Variants in GRIK1 observed in about 807,000 individuals in gnomAD.
GRIK1 encodes glutamate receptor ionotropic, kainate 1.
In GRIK1, 69 loss-of-function variants were observed where a neutral mutation model predicts 105.7. The observed-to-expected ratio is 0.65, with a 90% CI of 0.54 to 0.80. The LOEUF is 0.80. Ranked by LOEUF, GRIK1 falls within the 30% of genes least tolerant of loss-of-function variation. GRIK1 has a pLI of 0.00. For missense variants in GRIK1, 1,109 were observed against 1,167.3 expected (o/e 0.95, Z 0.73); for synonymous variants, 438 against 431.3 (o/e 1.02, Z -0.19).
At chr21:29,898,855 A>G (rs1240810466) in intron 1 of GRIK1, among the ~76,000 whole-genome samples, 2 of 152,200 alleles carry the variant, frequency 1.3e-5, no homozygotes, top group East Asian at 3.9e-4. Context: ...AATAGTTGGC[A>G]ATGAGATTCG....
intron 7 of GRIK1, among the ~76,000 whole-genome samples, chr21:29,637,744 C>T (rs1344024864): frequency 1.3e-5 from 2 of 152,186 alleles, no homozygotes; most frequent in Non-Finnish European, 1.5e-5. Context: ...TGTTATTTGA[C>T]ACCTGGTTTA....
chr21:29,583,657 G>C (rs527795712), intron 12 of GRIK1, among the ~76,000 whole-genome samples: 1 of 152,190 alleles, frequency 6.6e-6, no homozygotes. Flanking sequence ...TGTCTAAACA[G>C]CAATGTGATT....
chr21:29,727,962 C>T (rs1291417658), intron 1 of GRIK1, among the ~76,000 whole-genome samples: 1 of 152,158 alleles, frequency 6.6e-6, no homozygotes, highest in Admixed American at 6.5e-5. Flanking sequence ...TGTCTCAACT[C>T]AAGCAGACAG....
At chr21:29,820,497 G>A (rs1033034252) in intron 1 of GRIK1, among the ~76,000 whole-genome samples, 1 of 152,034 alleles carries the variant, frequency 6.6e-6, no homozygotes, top group Non-Finnish European at 1.5e-5. Flanking sequence ...GCAAAAATAG[G>A]TAGCAGAATG....
chr21:29,815,382 C>T (rs1024724793), intron 1 of GRIK1, among the ~76,000 whole-genome samples: 1 of 152,134 alleles, frequency 6.6e-6, no homozygotes, highest in Non-Finnish European at 1.5e-5. Context: ...AAGGGGTAAG[C>T]CCCCTGTAAA....
intron 1 of GRIK1, among the ~76,000 whole-genome samples, chr21:29,923,072 G>A (rs1251211071): frequency 6.6e-6 from 1 of 152,140 alleles, no homozygotes; most frequent in Non-Finnish European, 1.5e-5. Flanking sequence ...ATGCAAAAAT[G>A]AGTCTTTCCA....
intron 1 of GRIK1, among the ~76,000 whole-genome samples, chr21:29,911,471 GT>G (rs1352716543): frequency 6.6e-6 from 1 of 152,038 alleles, no homozygotes; most frequent in Non-Finnish European, 1.5e-5. Context: ...TATAAACTAT[GT>G]TATTGAGATA....
intron 1 of GRIK1, among the ~76,000 whole-genome samples, chr21:29,707,262 G>C (rs1233801724): frequency 9.9e-5 from 15 of 151,994 alleles, no homozygotes; most frequent in African/African-American, 3.6e-4. Flanking sequence ...ACTATAAATT[G>C]GGTAATACAT....
At chr21:29,711,737 GGGTAT>G (rs1249312882) in intron 1 of GRIK1, among the ~76,000 whole-genome samples, 1 of 151,800 alleles carries the variant, frequency 6.6e-6, no homozygotes, top group African/African-American at 2.4e-5. Flanking sequence ...ATTTTATTGT[GGGTAT>G]TTACATTTTT....
At chr21:29,573,684 T>C (rs111434081) in intron 14 of GRIK1, among the ~76,000 whole-genome samples, 2 of 152,046 alleles carry the variant, frequency 1.3e-5, no homozygotes, top group Admixed American at 6.6e-5. Flanking sequence ...ACCCCAACTC[T>C]ATTAAAATAA....
intron 1 of GRIK1, among the ~76,000 whole-genome samples, chr21:29,734,202 C>T (rs1184863629): frequency 1.3e-5 from 2 of 152,066 alleles, no homozygotes; most frequent in African/African-American, 2.4e-5. Flanking sequence ...CCATCACTAC[C>T]ACTCCATCCA....
At chr21:29,914,631 TCCC>T (rs1202375373) in intron 1 of GRIK1, among the ~76,000 whole-genome samples, 6 of 152,216 alleles carry the variant, frequency 3.9e-5, no homozygotes, top group South Asian at 4.1e-4. Context: ...GCATTTCTCT[TCCC>T]CCATCTCCCT....
At chr21:29,555,470 C>A (rs575946554) in intron 15 of GRIK1, among the ~76,000 whole-genome samples, 168 bp from the exon 16 acceptor site, 2 of 152,200 alleles carry the variant, frequency 1.3e-5, no homozygotes, top group South Asian at 4.1e-4. Context: ...TTTGAAGGCA[C>A]TATATAATTG....
intron 1 of GRIK1, among the ~76,000 whole-genome samples, chr21:29,751,920 A>G (rs897218350): frequency 6.6e-6 from 1 of 152,200 alleles, no homozygotes; most frequent in Non-Finnish European, 1.5e-5. Flanking sequence ...CACATTCACA[A>G]AGTTAATGAG....
intron 7 of GRIK1, among the ~76,000 whole-genome samples, chr21:29,640,968 A>G (rs1330755887): frequency 6.6e-6 from 1 of 152,214 alleles, no homozygotes; most frequent in Non-Finnish European, 1.5e-5. Flanking sequence ...AATTCCTGGT[A>G]TCATCTTCAG....
chr21:29,611,394 T>C (rs2061727342), intron 7 of GRIK1, among the ~76,000 whole-genome samples: 1 of 152,230 alleles, frequency 6.6e-6, no homozygotes, highest in South Asian at 2.1e-4. Context: ...TGTTGGACTA[T>C]ATAACCACTC....
At chr21:29,916,473 T>C (rs564255243) in intron 1 of GRIK1, among the ~76,000 whole-genome samples, 4 of 152,104 alleles carry the variant, frequency 2.6e-5, no homozygotes, top group African/African-American at 9.6e-5. Context: ...TAGCAAGTCA[T>C]TTAATATCCT....
intron 1 of GRIK1, among the ~76,000 whole-genome samples, chr21:29,870,861 G>A (rs775960067): frequency 4.0e-5 from 6 of 151,696 alleles, no homozygotes; most frequent in Non-Finnish European, 7.4e-5. Flanking sequence ...ATGGGCTCAC[G>A]GTTAAATGCC....
At chr21:29,581,256 C>T (rs2091017422) in intron 13 of GRIK1, among the ~76,000 whole-genome samples, 169 bp downstream of exon 13, 2 of 152,132 alleles carry the variant, frequency 1.3e-5, no homozygotes, top group South Asian at 4.2e-4. Flanking sequence ...CCATATAGGT[C>T]ATTGGTTTTG....
Sources: gnomAD v4.1 joint callset for allele counts (sites outside exome capture counted in the v4.1 genomes callset) on GRCh38, gnomAD v4.1.1 for gene constraint, MANE v1.5 for transcripts, NCBI Gene and HGNC (gene_info 2026-07-23, HGNC 2026-07-21) for gene names.